The following PTPN22 variants were observed in gnomAD, a reference collection of about 807,000 sequenced individuals.
PTPN22 encodes the protein protein tyrosine phosphatase non-receptor type 22.
PTPN22 carries 85 observed loss-of-function variants against 103.3 expected under a neutral mutation model. The ratio of observed to expected loss-of-function variants is 0.82; its 90% CI spans 0.69 to 0.99. PTPN22 has a LOEUF of 0.99. Among genes scored for constraint, PTPN22 ranks in the 50% least tolerant of loss-of-function variants. The probability of loss-of-function intolerance (pLI) is 0.00; values close to 1 mark genes in which losing one functional copy is unlikely to be tolerated. For synonymous variants in PTPN22, 323 were observed against 310.2 expected (o/e 1.04, Z -0.43); for missense variants, 865 against 936.9 (o/e 0.92, Z 1.00).
At chr1:113,856,500 T>C in intron 6 of PTPN22, 48 bp downstream of exon 6, 1 of 1,614,118 alleles carries the variant, frequency 6.2e-7, no homozygotes, top group Non-Finnish European at 8.5e-7. Flanking sequence ...CTCTATAAGG[T>C]AGACCCTGGA....
At chr1:113,822,076 AAC>A (rs1258918395) in intron 19 of PTPN22, among the ~76,000 whole-genome samples, 1 of 152,218 alleles carries the variant, frequency 6.6e-6, no homozygotes, top group Non-Finnish European at 1.5e-5. Flanking sequence ...TGAATGAGTT[AAC>A]ACAGAGTGAG....
chr1:113,858,908 G>A, intron 3 of PTPN22, 94 bp downstream of exon 3: 1 of 1,502,034 alleles, frequency 6.7e-7, no homozygotes, highest in Admixed American at 2.4e-5. Context: ...CAAAGTGCTG[G>A]GATTACAGGC....
Position 113,834,105 on chromosome 1 carries a change from TC to T in PTPN22, c.2025+203del, listed in dbSNP as rs200559015. Among the ~76,000 whole-genome samples, 69 of 152,350 alleles carry T rather than the reference TC, an allele frequency of 4.5e-4. No homozygotes were observed. The East Asian group carries it at 0.013, about 28-fold the overall frequency. ...AGGCAAAAATAAAGATTTGTACACA[TC>T]CTATATCTCTACTACTAGACAAGAA... On this transcript the variant is annotated intron_variant, in intron 15 of 20. Coordinates refer to ENST00000359785, the Ensembl canonical transcript of PTPN22.
chr1:113,835,147 G>A (rs17509844), intron 13 of PTPN22, among the ~76,000 whole-genome samples, 154 bp from the exon 14 acceptor site: 23,657 of 152,102 alleles, frequency 0.16, 2,094 homozygotes, highest in East Asian at 0.23. Context: ...GTTCATTCAA[G>A]GAAAAAGCAA....
chr1:113,860,514 A>G (rs1665483101), intron 1 of PTPN22, among the ~76,000 whole-genome samples: 1 of 152,158 alleles, frequency 6.6e-6, no homozygotes, highest in African/African-American at 2.4e-5. Context: ...AGAGATACTG[A>G]ACTGATATCT....
At chr1:113,856,254 A>C in intron 7 of PTPN22, 128 bp downstream of exon 7, 1 of 1,272,176 alleles carries the variant, frequency 7.9e-7, no homozygotes, top group Non-Finnish European at 1.0e-6. Context: ...GAATATGAAG[A>C]CTCATTCATG....
intron 13 of PTPN22, among the ~76,000 whole-genome samples, chr1:113,837,170 G>A (rs1324519097): frequency 1.3e-5 from 2 of 151,966 alleles, no homozygotes; most frequent in East Asian, 3.9e-4. Context: ...GAAGGAAGCA[G>A]GCTAGGCGTG....
chr1:113,863,920 TATA>T (rs1286059313), intron 1 of PTPN22, among the ~76,000 whole-genome samples: 1,752 of 102,394 alleles, frequency 0.017, 18 homozygotes, highest in African/African-American at 0.038. Context: ...TATATATATA[TATA>T]TATATTTTTT....
In PTPN22 at chr1:113,855,068, T is replaced by A. The variant is rs765768671; in HGVS notation, c.541-19A>T. On this transcript the variant is annotated intron_variant, in intron 7 of 20. Coordinates refer to ENST00000359785, the Ensembl canonical transcript of PTPN22. ...GAGTTTCCTATAAAAAGTAGCCAGA[T>A]GGGAGGGGAAGAGGGGCAAGGGCTG... The A allele has an allele frequency of 6.3e-7, 1 of 1,598,438 alleles. No individual in the cohort carries two copies.
chr1:113,859,267 A>G, intron 2 of PTPN22, 85 bp downstream of exon 2: 3 of 1,535,912 alleles, frequency 2.0e-6, no homozygotes, highest in Non-Finnish European at 2.7e-6. Context: ...TTCCAAGATC[A>G]GGATCAGTAA....
chr1:113,837,749 G>C, exon 13 of PTPN22: 2 of 1,613,774 alleles, frequency 1.2e-6, no homozygotes, highest in African/African-American at 1.3e-5. Flanking sequence ...GGTAAATCAA[G>C]AGACATCTTA....
exon 14 of PTPN22, chr1:113,834,988 C>T: frequency 6.5e-7 from 1 of 1,540,004 alleles, no homozygotes; most frequent in Non-Finnish European, 8.7e-7. Flanking sequence ...ATCCTTGGAG[C>T]AGTTGCTATC....
intron 18 of PTPN22, among the ~76,000 whole-genome samples, chr1:113,826,418 G>GGGAAGGGAAA (rs1662069982): frequency 1.3e-5 from 2 of 149,890 alleles, no homozygotes; most frequent in African/African-American, 2.5e-5. Flanking sequence ...GGGAAGGGAA[G>GGGAAGGGAAA]GGAAGGGAAG....
At chr1:113,830,135 G>A (rs1662431541) in intron 16 of PTPN22, 106 bp from the exon 17 acceptor site, 10 of 777,120 alleles carry the variant, frequency 1.3e-5, no homozygotes, top group South Asian at 6.0e-5. Context: ...AATCTTAGCC[G>A]ACAATCACCA....
intron 16 of PTPN22, 64 bp from the exon 17 acceptor site, chr1:113,830,093 C>T: frequency 1.8e-6 from 2 of 1,130,702 alleles, no homozygotes. Context: ...AAGTCAACAC[C>T]CTTTTCTCTT....
At chr1:113,865,400 C>T (rs774884035) in intron 1 of PTPN22, among the ~76,000 whole-genome samples, 2 of 125,724 alleles carry the variant, frequency 1.6e-5, no homozygotes, top group Non-Finnish European at 3.3e-5. Flanking sequence ...GTTTCAAATC[C>T]GGGCTTTTCC....
At chr1:113,819,494 T>A in intron 20 of PTPN22, 83 bp downstream of exon 20, 3 of 1,032,408 alleles carry the variant, frequency 2.9e-6, no homozygotes, top group Non-Finnish European at 4.2e-6. Flanking sequence ...CAACCTAAAA[T>A]CATATTTAAA....
exon 21 of PTPN22, chr1:113,814,254 G>A (rs1661004129): frequency 6.6e-6 from 1 of 152,114 alleles, no homozygotes; most frequent in African/African-American, 2.4e-5. Context: ...TACTTTTCTA[G>A]AATTGGTAAT....
At chr1:113,867,961 A>G (rs1324119625) in intron 1 of PTPN22, among the ~76,000 whole-genome samples, 2 of 152,252 alleles carry the variant, frequency 1.3e-5, no homozygotes, top group Non-Finnish European at 2.9e-5. Flanking sequence ...GTATTTACAC[A>G]TACTATACAT....
Sources: allele counts gnomAD v4.1 joint callset (sites outside exome capture counted in the v4.1 genomes callset), GRCh38; gene constraint gnomAD v4.1.1; transcripts MANE v1.5; gene names NCBI Gene and HGNC (gene_info 2026-07-23, HGNC 2026-07-21).